HDLBP: variants seen among roughly 807,000 people sequenced by gnomAD.
HDLBP encodes high density lipoprotein binding protein.
Under a neutral mutation model 137.3 loss-of-function variants are expected in HDLBP, and 30 were observed. The ratio of observed to expected loss-of-function variants is 0.22; its 90% CI spans 0.16 to 0.30. HDLBP has a LOEUF of 0.30. HDLBP is among the 10% of genes least tolerant of loss of function. The pLI, the probability that HDLBP is intolerant of heterozygous loss-of-function variation, is 1.00. For missense variants in HDLBP, 1,119 were observed against 1,667.3 expected (o/e 0.67, Z 5.73); for synonymous variants, 606 against 596.0 (o/e 1.02, Z -0.24).
At position 241,233,292 on chromosome 2, in the gene HDLBP, C is replaced by T. The variant is rs547471919; in HGVS notation, c.3288+528G>A. ...GGGCCCAGAGAGGGGATGGGGCTGC[C>T]TTTCATTTTGTTCTGAGTGAAGCAG... On this transcript the variant is annotated intron_variant, in intron 24 of 27. Transcript: ENST00000310931. The surrounding 1 kb of genome is among the most constrained non-coding windows in gnomAD (Gnocchi z 4.3). Among the ~76,000 whole-genome samples the T allele has an allele frequency of 2.0e-5, 3 of 152,116 alleles. No individual in the cohort carries two copies. The highest frequency in any genetic ancestry group is 2.9e-5 in the Non-Finnish European group (2 of 68,002).
At chr2:241,287,137 G>C (rs1016196530) in intron 1 of HDLBP, among the ~76,000 whole-genome samples, 1 of 152,270 alleles carries the variant, frequency 6.6e-6, no homozygotes, top group Non-Finnish European at 1.5e-5. Context: ...TTGAGACAGA[G>C]TCTCACTCTA....
intron 1 of HDLBP, among the ~76,000 whole-genome samples, chr2:241,289,223 C>T (rs956657546): frequency 6.6e-6 from 1 of 152,166 alleles, no homozygotes; most frequent in Non-Finnish European, 1.5e-5. Flanking sequence ...CTCCAATGTG[C>T]GATCTGCTGC....
rs2071140553 is a variant in HDLBP, at chr2:241,240,838, G to A, written c.2170-716C>T. Among the ~76,000 whole-genome samples the A allele has an allele frequency of 6.6e-6, 1 of 152,170 alleles. No individual in the cohort carries two copies. On this transcript the variant is annotated intron_variant, in intron 17 of 27. Coordinates refer to ENST00000310931, the MANE Select transcript of HDLBP (RefSeq NM_005336.6). This position sits in a 1 kb window ranked among gnomAD's most constrained non-coding sequence, Gnocchi z 5.5. ...CAGACCCACGCAGGGGCCCCGAGAA[G>A]GGCGCTGCTCCACGGGACTCAGGTC... is the stretch of plus-strand genomic sequence containing the variant.
At chr2:241,266,739 T>C in intron 3 of HDLBP, 55 bp downstream of exon 3, 2 of 1,159,522 alleles carry the variant, frequency 1.7e-6, no homozygotes, top group South Asian at 1.2e-5. Context: ...GTAAAGGCTT[T>C]AGAGGGAGCA....
rs1414875413 is a variant in HDLBP at position 241,246,706 on chromosome 2, T to TA, written c.1950+45dup. 4.4e-6 allele frequency: 7 copies of TA among 1,590,884 alleles called. No individual in the cohort carries two copies. In the East Asian group the frequency reaches 8.9e-5, roughly 20 times the overall value. ...CCCCAGGCTCAATCTTAGAGGCTGT[T>TA]AGAGATTTTACTGGAGGATCTCCAT... On this transcript the variant is annotated intron_variant, in intron 16 of 27. Transcript: ENST00000310931.
intron 3 of HDLBP, among the ~76,000 whole-genome samples, chr2:241,266,377 T>G (rs1447141804): frequency 6.6e-6 from 1 of 152,236 alleles, no homozygotes; most frequent in Non-Finnish European, 1.5e-5. Context: ...TGTACAGCAC[T>G]GCTCTTAATC....
chr2:241,264,254 C>A (rs903481474), intron 4 of HDLBP, among the ~76,000 whole-genome samples, 194 bp downstream of exon 4: 1 of 150,196 alleles, frequency 6.7e-6, no homozygotes, highest in African/African-American at 2.4e-5. Context: ...CCCAGCTACT[C>A]GGGAGGCTGA....
intron 20 of HDLBP, among the ~76,000 whole-genome samples, chr2:241,237,582 C>T (rs987644807): frequency 2.0e-5 from 3 of 151,984 alleles, no homozygotes; most frequent in East Asian, 3.9e-4. Flanking sequence ...ATTTGAATAC[C>T]GACAACATAT....
At chr2:241,256,150 G>GC in intron 7 of HDLBP, 34 bp downstream of exon 7, 2 of 1,549,470 alleles carry the variant, frequency 1.3e-6, no homozygotes, top group Non-Finnish European at 1.8e-6. Flanking sequence ...TTCTATTCCT[G>GC]CCCATGGGGA....
chr2:241,242,883 G>A (rs937206173), intron 16 of HDLBP: 1 of 587,250 alleles, frequency 1.7e-6, no homozygotes, highest in Non-Finnish European at 3.1e-6. Flanking sequence ...AGAGTGGGGT[G>A]CGCCCAGCAG....
chr2:241,279,112 C>T (rs1481485902), intron 1 of HDLBP, among the ~76,000 whole-genome samples: 1 of 152,024 alleles, frequency 6.6e-6, no homozygotes, highest in East Asian at 1.9e-4. Context: ...TGTCAAAATA[C>T]AGAAATGACC....
chr2:241,263,880 G>A (rs2073411977), intron 4 of HDLBP, among the ~76,000 whole-genome samples: 1 of 152,090 alleles, frequency 6.6e-6, no homozygotes, highest in South Asian at 2.1e-4. Context: ...CCTACTGAGT[G>A]CTAGCATACA....
intron 21 of HDLBP, chr2:241,236,306 C>T: frequency 2.6e-6 from 1 of 387,556 alleles, no homozygotes; most frequent in South Asian, 3.7e-5. Context: ...CTGGAGGTCA[C>T]ATTCATCCCC....
rs759306459 is a variant in HDLBP at position 241,247,066 on chromosome 2, T to G, written c.1808A>C (p.Asn603Thr). 5 of 1,611,478 alleles carry G rather than the reference T, an allele frequency of 3.1e-6. No homozygotes were observed. Among genetic ancestry groups the G allele is most frequent in the Non-Finnish European group, 4.2e-6 (5 of 1,177,572 alleles). The change falls in exon 15 of 28, where the codon AAC (asparagine) becomes ACC (threonine). Residue 603 changes from asparagine (N) to threonine (T), a missense_variant. By Grantham distance (65) the Asn-to-Thr change is moderately conservative. This residue lies in a region of HDLBP where 425 missense variants were observed against 693.9 expected (regional missense o/e 0.61). Coordinates refer to ENST00000310931, the MANE Select transcript of HDLBP (RefSeq NM_005336.6). ...CGGACAAGTTATCACCTTTTTAATG[T>G]TTGCGCCTCCTTTCCCAATGATATT... ...HKNIIGKGGA[N>T]IKKIREESNT...
At chr2:241,277,718 T>C (rs1007061723) in intron 1 of HDLBP, among the ~76,000 whole-genome samples, 1 of 152,142 alleles carries the variant, frequency 6.6e-6, no homozygotes, top group African/African-American at 2.4e-5. Context: ...TCCCAGCACT[T>C]TGGGAGGCCG....
Position 241,248,170 on chromosome 2 carries a change from C to A in HDLBP, c.1618-54G>T. 5 of 1,547,318 alleles carry A rather than the reference C, an allele frequency of 3.2e-6. No homozygotes were observed. The South Asian group carries it at 5.6e-5, about 17-fold the overall frequency. ...CAAGTATGAGGAAGGACATATATCCCAAATATCAAATATTCCTGAAGTGTG... is the reference window on the plus strand; with the variant it reads ...CAAGTATGAGGAAGGACATATATCCAAAATATCAAATATTCCTGAAGTGTG... On this transcript the variant is annotated intron_variant, in intron 13 of 27. Coordinates refer to ENST00000310931, the MANE Select transcript of HDLBP (RefSeq NM_005336.6).
intron 1 of HDLBP, among the ~76,000 whole-genome samples, chr2:241,311,340 T>C (rs1011080197): frequency 3.9e-5 from 6 of 152,156 alleles, no homozygotes; most frequent in African/African-American, 1.4e-4. Flanking sequence ...CTTTCGTACA[T>C]ACAAATTCTG....
At chr2:241,264,840 C>CA (rs1211773271) in intron 3 of HDLBP, among the ~76,000 whole-genome samples, 1 of 152,134 alleles carries the variant, frequency 6.6e-6, no homozygotes, top group Admixed American at 6.5e-5. Flanking sequence ...CAGTCTCTGA[C>CA]AGCGAACCTA....
Position 241,239,778 on chromosome 2 carries a change from G to A in HDLBP, c.2434C>T (p.His812Tyr). 6.2e-7 allele frequency: 1 copy of A among 1,614,050 alleles called. No individual in the cohort carries two copies. The highest frequency in any genetic ancestry group is 1.1e-5 in the South Asian group (1 of 91,084). ...EDSMLVDPKH[H>Y]RHFVIRRGQV... ...CCTCTGCGGATGACGAAGTGGCGGT[G>A]GTGCTTGGGGTCCACCAGCATGGAG... The change falls in exon 19 of 28, where the codon CAC (histidine) becomes TAC (tyrosine). Residue 812 changes from histidine (H) to tyrosine (Y), a missense_variant. Coordinates refer to ENST00000310931, the MANE Select transcript of HDLBP (RefSeq NM_005336.6). This position sits in a 1 kb window ranked among gnomAD's most constrained non-coding sequence, Gnocchi z 4.6.
Sources: gnomAD v4.1 joint callset for allele counts (sites outside exome capture counted in the v4.1 genomes callset) on GRCh38, gnomAD v4.1.1 for gene constraint, gnomAD v4.1.1 regional missense constraint, Gnocchi (gnomAD v3.1) non-coding constraint, MANE v1.5 for transcripts, NCBI Gene and HGNC (gene_info 2026-07-23, HGNC 2026-07-21) for gene names.